Variants in VPS8 observed in about 807,000 individuals in gnomAD.
VPS8 encodes the protein vacuolar protein sorting-associated protein 8 homolog.
A neutral mutation model predicts 216.4 loss-of-function variants in VPS8; 129 were observed. The ratio of observed to expected loss-of-function variants is 0.60; its 90% confidence interval spans 0.52 to 0.69. VPS8 has a LOEUF of 0.69. Among genes scored for constraint, VPS8 ranks in the 30% least tolerant of loss-of-function variants. The pLI is 0.00. For synonymous variants in VPS8, 571 were observed against 565.4 expected (o/e 1.01, Z -0.14); for missense variants, 1,531 against 1,683.5 (o/e 0.91, Z 1.59).
chr3:184,866,303 A>C (rs984345613), intron 16 of VPS8, among the ~76,000 whole-genome samples: 1 of 152,250 alleles, frequency 6.6e-6, no homozygotes, highest in Non-Finnish European at 1.5e-5. Context: ...ATAAGAGCAC[A>C]TTTTGTTTAA....
Position 184,902,699 on chromosome 3 carries a change from G to A in VPS8, c.2146+1727G>A, listed in dbSNP as rs192131997. 2.7e-3 allele frequency among the ~76,000 whole-genome samples: 402 copies of A among 151,054 alleles called. 1 individual carries two copies. The highest frequency in any genetic ancestry group is 0.01 in the Middle Eastern group (3 of 290). ...ACAAAAATTAGCCGGGCGTGGTGGC[G>A]CGTGCCTGTAGTCCCAGCTACTCAG... On this transcript the variant is annotated intron_variant, in intron 25 of 47. Transcript: ENST00000625842.
In VPS8 at chr3:185,037,357, G is replaced by T. The variant is rs574236364; in HGVS notation, c.4057-11122G>T. 2.0e-4 allele frequency among the ~76,000 whole-genome samples: 31 copies of T among 151,998 alleles called. No homozygotes were observed. The East Asian group carries it at 5.8e-3, about 28-fold the overall frequency. ...GTAAATTACTAGTCATTTTTCTCTT[G>T]CTGTTTTCAAGTTTTTCACATTGTT... On this transcript the variant is annotated intron_variant, in intron 46 of 47. Transcript: ENST00000625842.
intron 45 of VPS8, among the ~76,000 whole-genome samples, chr3:185,010,582 C>T (rs895774647): frequency 7.9e-5 from 12 of 151,968 alleles, no homozygotes; most frequent in African/African-American, 2.9e-4. Context: ...ATTAAAACTA[C>T]AATGTCTGAG....
intron 2 of VPS8, 70 bp downstream of exon 2, chr3:184,824,855 G>C: frequency 7.0e-7 from 1 of 1,433,780 alleles, no homozygotes; most frequent in Non-Finnish European, 9.5e-7. Flanking sequence ...TTGTGACCCA[G>C]AGACTCTAAG....
intron 37 of VPS8, among the ~76,000 whole-genome samples, chr3:184,963,794 C>T (rs1049561342): frequency 6.6e-6 from 1 of 151,872 alleles, no homozygotes; most frequent in Non-Finnish European, 1.5e-5. Flanking sequence ...TGTTATCCCC[C>T]GTTTGAATAA....
At chr3:184,884,135 C>A (rs1273799074) in intron 21 of VPS8, among the ~76,000 whole-genome samples, 1 of 152,002 alleles carries the variant, frequency 6.6e-6, no homozygotes, top group Admixed American at 6.5e-5. Flanking sequence ...AGGTTTGTTA[C>A]ATATGTATAC....
At chr3:185,004,630 C>A (rs1276979967) in intron 45 of VPS8, among the ~76,000 whole-genome samples, 1 of 152,150 alleles carries the variant, frequency 6.6e-6, no homozygotes, top group Non-Finnish European at 1.5e-5. Flanking sequence ...TGATGTTGAG[C>A]ATTTTTTCAT....
intron 7 of VPS8, 58 bp downstream of exon 7, chr3:184,839,810 A>G (rs757443249): frequency 3.9e-6 from 6 of 1,548,336 alleles, no homozygotes; most frequent in South Asian, 3.6e-5. Flanking sequence ...GGGTTTTATA[A>G]TGTCCTTTAA....
rs765730878 is a variant in VPS8 at position 184,853,889 on chromosome 3, GA to G, written c.855del (p.Arg285SerfsTer23). On this transcript the variant is annotated frameshift_variant, in exon 12 of 48. Transcript: ENST00000625842. LOFTEE classifies it high-confidence loss of function. ...ATGGGAGTGAGAACCTGTGAATCTA[GA>G]TGTCTGTTCAGTGGTTCCAAGGGTG... ...RVMGVRTCES[R>X]CLFSGSKGEV... is the part of the protein sequence containing the mutation. 6.3e-7 allele frequency: 1 copy of G among 1,595,808 alleles called. No homozygotes were observed. The highest frequency in any genetic ancestry group is 8.5e-7 in the Non-Finnish European group (1 of 1,170,492).
intron 29 of VPS8, 63 bp downstream of exon 29, chr3:184,920,261 T>C: frequency 9.3e-7 from 1 of 1,072,964 alleles, no homozygotes; most frequent in East Asian, 3.0e-5. Flanking sequence ...TGAGCTGTTT[T>C]ATAGCAGGTT....
chr3:185,004,112 G>A lies in VPS8; in HGVS notation c.4002+4251G>A, dbSNP rs538634923. Among the ~76,000 whole-genome samples the A allele has an allele frequency of 3.6e-4, 55 of 152,322 alleles. 1 individual carries two copies. Among genetic ancestry groups the A allele is most frequent in the African/African-American group, 1.3e-3 (53 of 41,568 alleles). ...GCAGAGGCTGCAATCTCGGCACCCC[G>A]GGAGGCCAAGGCAGGCGGCCGGGAG... On this transcript the variant is annotated intron_variant, in intron 45 of 47. Transcript: ENST00000625842.
intron 42 of VPS8, among the ~76,000 whole-genome samples, chr3:184,986,519 T>C (rs1751100948): frequency 6.6e-6 from 1 of 152,154 alleles, no homozygotes; most frequent in East Asian, 1.9e-4. Context: ...CTGCTGATGG[T>C]ATTCCCCGTG....
intron 37 of VPS8, among the ~76,000 whole-genome samples, chr3:184,963,701 A>T (rs1746926646): frequency 6.6e-6 from 1 of 152,076 alleles, no homozygotes; most frequent in African/African-American, 2.4e-5. Context: ...CTTGTTCCTG[A>T]TTTAAAAGGG....
chr3:184,831,141 C>T (rs756179171), intron 3 of VPS8, among the ~76,000 whole-genome samples: 12 of 152,138 alleles, frequency 7.9e-5, no homozygotes, highest in Non-Finnish European at 1.5e-5. Flanking sequence ...AGAGATGTAC[C>T]GAAAACTAAA....
chr3:184,998,679 C>A (rs1313864091), intron 44 of VPS8, among the ~76,000 whole-genome samples: 2 of 150,658 alleles, frequency 1.3e-5, no homozygotes, highest in Non-Finnish European at 3.0e-5. Flanking sequence ...GAGAATTATT[C>A]TCAGTACTCA....
At chr3:185,033,570 C>T (rs1758473748) in intron 46 of VPS8, among the ~76,000 whole-genome samples, 1 of 152,250 alleles carries the variant, frequency 6.6e-6, no homozygotes, top group South Asian at 2.1e-4. Flanking sequence ...ACAATCGTGA[C>T]TAAAGCTGCA....
chr3:184,854,707 C>T (rs568442042), intron 13 of VPS8, among the ~76,000 whole-genome samples: 58 of 152,322 alleles, frequency 3.8e-4, no homozygotes, highest in African/African-American at 1.3e-3. Flanking sequence ...TGGCACTGAA[C>T]TATGGATAGA....
intron 21 of VPS8, among the ~76,000 whole-genome samples, chr3:184,878,117 T>C (rs2108819203): frequency 6.8e-6 from 1 of 146,520 alleles, no homozygotes; most frequent in African/African-American, 2.5e-5. Flanking sequence ...TAAAAGACCC[T>C]TTTTTTTTTT....
At chr3:184,993,402 T>A (rs9865023) in intron 42 of VPS8, among the ~76,000 whole-genome samples, 135,194 of 152,074 alleles carry the variant, frequency 0.89, 61,480 homozygotes, top group Non-Finnish European at 0.98. Flanking sequence ...AAAATGCACA[T>A]AATAAACAAG....
Sources: allele counts gnomAD v4.1 joint callset (sites outside exome capture counted in the v4.1 genomes callset), GRCh38; gene constraint gnomAD v4.1.1; transcripts MANE v1.5; gene names NCBI Gene and HGNC (gene_info 2026-07-23, HGNC 2026-07-21).